Variants in ARID2 observed in about 807,000 individuals in gnomAD.
ARID2 encodes AT-rich interactive domain-containing protein 2.
Under a neutral mutation model 184.6 loss-of-function variants are expected in ARID2, and 32 were observed. The ratio of observed to expected loss-of-function variants is 0.17; its 90% CI spans 0.13 to 0.23. ARID2 has a LOEUF of 0.23. ARID2 is among the 10% of genes least tolerant of loss of function. The pLI is 1.00. For synonymous variants in ARID2, 836 were observed against 772.6 expected (o/e 1.08, Z -1.36); for missense variants, 1,696 against 2,197.6 (o/e 0.77, Z 4.56).
At position 45,731,076 on chromosome 12, in the gene ARID2, T is replaced by A. The variant is rs547508484; in HGVS notation, c.187-141T>A. 78 of 630,182 alleles carry A rather than the reference T, an allele frequency of 1.2e-4. No homozygotes were observed. In the African/African-American group the frequency reaches 1.3e-3, roughly 11 times the overall value. 39.0% of individuals were successfully genotyped at this position (630,182 alleles called of 1,614,324 possible). A position where few individuals can be genotyped will look rare whatever the true frequency, so the allele number is the denominator to read the frequency against. ...AGTGATTCAAGAAGCCCTTGCTTAG[T>A]AACTCTTACCGATCGATCCGAAACA... is the stretch of plus-strand genomic sequence containing the variant. On this transcript the variant is annotated intron_variant, in intron 2 of 20. Coordinates refer to ENST00000334344, the MANE Select transcript of ARID2 (RefSeq NM_152641.4).
At position 45,905,526 on chromosome 12, in the gene ARID2, A is replaced by T. The variant is rs184665492; in HGVS notation, c.*448A>T. Reference sequence around the variant, plus strand: ...CCGTTTAAGCTGGTTTGAATAATTTAAAAAAGTTTCAGCACACCTATACCC... The same window carrying T: ...CCGTTTAAGCTGGTTTGAATAATTTTAAAAAGTTTCAGCACACCTATACCC... On this transcript the variant is annotated 3_prime_UTR_variant, in exon 21 of 21. Coordinates refer to ENST00000334344, the MANE Select transcript of ARID2 (RefSeq NM_152641.4). 7.8e-4 allele frequency: 182 copies of T among 233,426 alleles called. 3 individuals carry two copies. The East Asian group carries it at 0.011, about 14-fold the overall frequency. The allele number at this position is 233,426 out of a possible 1,614,324, so 14.5% of individuals were successfully genotyped here.
intron 3 of ARID2, among the ~76,000 whole-genome samples, chr12:45,740,123 C>T (rs1941220928): frequency 1.3e-5 from 2 of 152,036 alleles, no homozygotes; most frequent in Non-Finnish European, 2.9e-5. Flanking sequence ...TAGTTTACAC[C>T]ATTAAAGAGT....
chr12:45,891,724 T>C, intron 16 of ARID2, 56 bp from the exon 17 acceptor site: 2 of 1,567,540 alleles, frequency 1.3e-6, no homozygotes, highest in Non-Finnish European at 1.7e-6. Context: ...ATTTTTGAAA[T>C]AGTTTCAAAA....
At chr12:45,819,824 A>G (rs1300618292) in intron 5 of ARID2, among the ~76,000 whole-genome samples, 2 of 151,354 alleles carry the variant, frequency 1.3e-5, no homozygotes, top group Non-Finnish European at 2.9e-5. Context: ...GCTCACTGCA[A>G]CCTCCGCCTC....
rs796997818 is a variant in ARID2, at chr12:45,817,533, TTA to T, written c.419-123_419-122del. 628 of 234,258 alleles carry T rather than the reference TTA, an allele frequency of 2.7e-3. 1 individual carries two copies. Among genetic ancestry groups the T allele is most frequent in the African/African-American group, 4.4e-3 (189 of 43,094 alleles). The allele number at this position is 234,258 out of a possible 1,614,324, so 14.5% of individuals were successfully genotyped here. ...TTTGAACCTCTAATCAGTTTATATT[TTA>T]TATATATATATATTTATATTATATT... On this transcript the variant is annotated intron_variant, in intron 4 of 20. Coordinates refer to ENST00000334344, the MANE Select transcript of ARID2 (RefSeq NM_152641.4).
intron 16 of ARID2, among the ~76,000 whole-genome samples, chr12:45,890,017 A>G (rs1307106602): frequency 6.6e-6 from 1 of 152,206 alleles, no homozygotes; most frequent in African/African-American, 2.4e-5. Context: ...GATTATTGCA[A>G]CCAGCTTCAT....
chr12:45,892,177 A>G (rs564312479), intron 18 of ARID2, 81 bp downstream of exon 18: 4 of 1,377,168 alleles, frequency 2.9e-6, no homozygotes, highest in East Asian at 5.0e-5. Flanking sequence ...GCAACTTAGC[A>G]TATTAGGAGA....
At chr12:45,770,175 T>C (rs1209065527) in intron 3 of ARID2, among the ~76,000 whole-genome samples, 2 of 150,710 alleles carry the variant, frequency 1.3e-5, no homozygotes, top group Admixed American at 6.6e-5. Context: ...ATGGCGTGAA[T>C]ACGGGAGGCA....
chr12:45,796,068 AACCACTTTCTCT>A (rs1942386858), intron 3 of ARID2, among the ~76,000 whole-genome samples: 1 of 151,830 alleles, frequency 6.6e-6, no homozygotes, highest in Admixed American at 6.5e-5. Flanking sequence ...TCTTTTTTTA[AACCACTTTCTCT>A]ACCACTTAAA....
At position 45,851,669 on chromosome 12, in the gene ARID2, T is replaced by C. The variant is rs1399785072; in HGVS notation, c.3546T>C (p.Phe1182=). The change falls in exon 15 of 21, where the codon TTT becomes TTC. Residue 1182 remains phenylalanine (F), a synonymous_variant. Coordinates refer to ENST00000334344, the MANE Select transcript of ARID2 (RefSeq NM_152641.4). ...VTITVVPNTS[F]APATVSQGNA... is the part of the protein sequence containing the mutation. Reference sequence around the variant, plus strand: ...TAACAGTTGTGCCAAATACGAGTTTTGCACCTGCAACTGTGAGTCAGGGAA... The same window carrying C: ...TAACAGTTGTGCCAAATACGAGTTTCGCACCTGCAACTGTGAGTCAGGGAA... The C allele has an allele frequency of 2.5e-6, 4 of 1,614,056 alleles. No homozygotes were observed. Among genetic ancestry groups the C allele is most frequent in the Non-Finnish European group, 3.4e-6 (4 of 1,180,014 alleles).
chr12:45,826,302 A>C (rs1358483816), intron 6 of ARID2, among the ~76,000 whole-genome samples: 1 of 152,148 alleles, frequency 6.6e-6, no homozygotes, highest in Non-Finnish European at 1.5e-5. Context: ...CTCTTCAGAG[A>C]TGTATACATG....
intron 12 of ARID2, among the ~76,000 whole-genome samples, chr12:45,848,452 G>C (rs1350338545): frequency 1.3e-5 from 2 of 151,994 alleles, no homozygotes; most frequent in Non-Finnish European, 1.5e-5. Context: ...ATTTTCTTCA[G>C]CTACAATGCA....
At chr12:45,866,337 A>G (rs1014010204) in intron 16 of ARID2, among the ~76,000 whole-genome samples, 1 of 152,170 alleles carries the variant, frequency 6.6e-6, no homozygotes, top group East Asian at 1.9e-4. Context: ...ATAAGATGCA[A>G]TGATCCTGCA....
At position 45,836,664 on chromosome 12, in the gene ARID2, G is replaced by A. The variant is rs1351063887; in HGVS notation, c.772+9G>A. ...CAGAAACAAGTCTCATGGTAAGTTA[G>A]TGAAAGCAAAATTTTTCAAAACCTT... On this transcript the variant is annotated intron_variant, in intron 7 of 20. Transcript: ENST00000334344. The A allele has an allele frequency of 2.5e-6, 4 of 1,604,452 alleles. No homozygotes were observed. In the South Asian group the frequency reaches 4.5e-5, roughly 18 times the overall value.
chr12:45,881,934 T>A (rs1944111067), intron 16 of ARID2: 2 of 185,364 alleles, frequency 1.1e-5, no homozygotes, highest in South Asian at 2.2e-4. Context: ...AGAGGTCACT[T>A]CTTTTTCTTC....
At chr12:45,892,493 T>TAC (rs776834059) in intron 18 of ARID2, among the ~76,000 whole-genome samples, 93 of 151,960 alleles carry the variant, frequency 6.1e-4, no homozygotes, top group African/African-American at 1.4e-3. Context: ...TATATATATA[T>TAC]ACACACACAT....
Position 45,730,830 on chromosome 12 carries a change from A to G in ARID2, c.187-387A>G, listed in dbSNP as rs557011413. On this transcript the variant is annotated intron_variant, in intron 2 of 20. Transcript: ENST00000334344. Reference sequence around the variant, plus strand: ...GGCCCCAGCCCCGGCCCCCCCCCCAACCCGCGGACGTCGCTGTCCGGAACT... The same window carrying G: ...GGCCCCAGCCCCGGCCCCCCCCCCAGCCCGCGGACGTCGCTGTCCGGAACT... Among the ~76,000 whole-genome samples, 464 of 134,704 alleles carry G rather than the reference A, an allele frequency of 3.4e-3. 1 individual carries two copies. Among genetic ancestry groups the G allele is most frequent in the Non-Finnish European group, 5.9e-3 (371 of 62,916 alleles). 88.4% of individuals were successfully genotyped at this position (134,704 alleles called of 152,430 possible).
intron 3 of ARID2, among the ~76,000 whole-genome samples, chr12:45,773,405 TAATG>T (rs1323358479): frequency 1.3e-5 from 2 of 151,804 alleles, no homozygotes; most frequent in Non-Finnish European, 2.9e-5. Flanking sequence ...AAGAAGAAAT[TAATG>T]AAATAAAAGA....
chr12:45,882,692 A>T (rs1022987344), intron 16 of ARID2, among the ~76,000 whole-genome samples: 1 of 152,246 alleles, frequency 6.6e-6, no homozygotes, highest in African/African-American at 2.4e-5. Flanking sequence ...GTTGAAATTA[A>T]TCAGTAGTTA....
Sources: gnomAD v4.1 joint callset for allele counts (sites outside exome capture counted in the v4.1 genomes callset) on GRCh38, gnomAD v4.1.1 for gene constraint, MANE v1.5 for transcripts, NCBI Gene and HGNC (gene_info 2026-07-23, HGNC 2026-07-21) for gene names.